The following IMMP2L variants were observed in gnomAD, a reference collection of about 807,000 sequenced individuals.
IMMP2L encodes inner mitochondrial membrane peptidase subunit 2, also known as mitochondrial inner membrane protease subunit 2.
Under a neutral mutation model 19.3 loss-of-function variants are expected in IMMP2L, and 18 were observed. The ratio of observed to expected loss-of-function variants is 0.93; its 90% confidence interval spans 0.64 to 1.38. IMMP2L has a LOEUF of 1.38. IMMP2L is among the 40% of genes most tolerant of loss of function. The pLI, the probability that IMMP2L is intolerant of heterozygous loss-of-function variation, is 0.00. For synonymous variants in IMMP2L, 76 were observed against 73.0 expected (o/e 1.04, Z -0.21); for missense variants, 233 against 218.2 (o/e 1.07, Z -0.43).
rs1483619761 is a variant in IMMP2L, at chr7:110,732,788, ATTTC to A, written c.409-69071_409-69068del. ...AAAGATGAAGGCTCAAGCACAATGA[ATTTC>A]TTTTTTTTTTTTTTTGAGATAGGGT... On this transcript the variant is annotated intron_variant, in intron 5 of 5. Coordinates refer to ENST00000405709, the MANE Select transcript of IMMP2L (RefSeq NM_032549.4). 1.5e-4 allele frequency among the ~76,000 whole-genome samples: 22 copies of A among 150,786 alleles called. 1 individual carries two copies.
rs1366636152 is a variant in IMMP2L at position 111,123,853 on chromosome 7, A to C, written c.240-160288T>G. 5.6e-6 allele frequency: 9 copies of C among 1,613,820 alleles called. No homozygotes were observed. Among genetic ancestry groups the C allele is most frequent in the Non-Finnish European group, 6.8e-6 (8 of 1,179,970 alleles). ...TACCATTGAGTCTCTGCCAAACCTC[A>C]AGGAAATCAGCATACACAGTAACCC... On this transcript the variant is annotated intron_variant, in intron 3 of 5. Coordinates refer to ENST00000405709, the MANE Select transcript of IMMP2L (RefSeq NM_032549.4). The surrounding 1 kb of genome is among the most constrained non-coding windows in gnomAD (Gnocchi z 6.4).
chr7:111,386,097 T>C lies in IMMP2L; in HGVS notation c.239+101141A>G, dbSNP rs545892844. Among the ~76,000 whole-genome samples, 14 of 151,798 alleles carry C rather than the reference T, an allele frequency of 9.2e-5. No homozygotes were observed. The East Asian group carries it at 2.5e-3, about 27-fold the overall frequency. On this transcript the variant is annotated intron_variant, in intron 3 of 5. Transcript: ENST00000405709. The stretch of plus-strand genomic sequence containing the variant: ...CTCGCTCTGTTGTCCAGGCTGGTCT[T>C]GAACTCCTGGCCTCAGACAAACCTC...
At chr7:111,520,056 G>A (rs1846199417) in intron 2 of IMMP2L, among the ~76,000 whole-genome samples, 1 of 152,108 alleles carries the variant, frequency 6.6e-6, no homozygotes. Flanking sequence ...TAAGGATTGA[G>A]TCTAAGACAA....
intron 3 of IMMP2L, among the ~76,000 whole-genome samples, chr7:111,126,484 A>G (rs1343127560): frequency 6.6e-6 from 1 of 152,182 alleles, no homozygotes; most frequent in African/African-American, 2.4e-5. Context: ...AGCTTCTGAA[A>G]CTATTTTAAA....
chr7:110,665,666 C>T (rs765643183), intron 5 of IMMP2L, among the ~76,000 whole-genome samples: 3 of 151,946 alleles, frequency 2.0e-5, no homozygotes, highest in Non-Finnish European at 2.9e-5. Flanking sequence ...ATTTTTTTTC[C>T]CTCATGACTA....
chr7:111,188,449 A>G (rs1425947108), intron 3 of IMMP2L, among the ~76,000 whole-genome samples: 1 of 152,048 alleles, frequency 6.6e-6, no homozygotes, highest in Non-Finnish European at 1.5e-5. Context: ...ACTGTTCTGG[A>G]GTCCCTTTTA....
chr7:111,277,186 A>C (rs2130492295), intron 3 of IMMP2L, among the ~76,000 whole-genome samples: 1 of 152,262 alleles, frequency 6.6e-6, no homozygotes, highest in South Asian at 2.1e-4. Flanking sequence ...CAGTCTATAG[A>C]ATGGGAAAAA....
rs141044738 is a variant in IMMP2L at position 110,941,062 on chromosome 7, T to C, written c.305+22438A>G. 3.6e-3 allele frequency among the ~76,000 whole-genome samples: 548 copies of C among 152,298 alleles called. 13 individuals carry two copies. Among genetic ancestry groups the C allele is most frequent in the Admixed American group, 0.033 (503 of 15,288 alleles). ...TTATGCTCAGCATAATCAGTGATAATACTCTCTTTAAAATGGAAGTAAGAA... is the reference window on the plus strand; with the variant it reads ...TTATGCTCAGCATAATCAGTGATAACACTCTCTTTAAAATGGAAGTAAGAA... On this transcript the variant is annotated intron_variant, in intron 4 of 5. Transcript: ENST00000405709.
intron 3 of IMMP2L, chr7:111,124,602 C>A: frequency 6.2e-7 from 1 of 1,613,882 alleles, no homozygotes; most frequent in Non-Finnish European, 8.5e-7. Flanking sequence ...TAAATGTCAC[C>A]ACCAAAGGTT....
chr7:111,488,432 A>G (rs1842827952), intron 2 of IMMP2L, among the ~76,000 whole-genome samples: 1 of 152,108 alleles, frequency 6.6e-6, no homozygotes, highest in Non-Finnish European at 1.5e-5. Flanking sequence ...GAGAACATAC[A>G]ATGTCTGGTT....
chr7:110,870,336 AAACTCACTCACAG>A lies in IMMP2L; in HGVS notation c.408+16244_408+16256del, dbSNP rs1207590723. Reference sequence around the variant, plus strand: ...TGAACCAGAAGGCATCGCGAGTGCTAAACTCACTCACAGAACAGAAATTTGTTTATTTATTTAA... The same window carrying A: ...TGAACCAGAAGGCATCGCGAGTGCTAAACAGAAATTTGTTTATTTATTTAA... On this transcript the variant is annotated intron_variant, in intron 5 of 5. Coordinates refer to ENST00000405709, the MANE Select transcript of IMMP2L (RefSeq NM_032549.4). The surrounding 1 kb of genome is among the most constrained non-coding windows in gnomAD (Gnocchi z 4.2). 2.6e-5 allele frequency among the ~76,000 whole-genome samples: 4 copies of A among 152,112 alleles called. No individual in the cohort carries two copies. Among genetic ancestry groups the A allele is most frequent in the Admixed American group, 6.6e-5 (1 of 15,242 alleles).
chr7:111,432,860 C>T (rs1326424481), intron 3 of IMMP2L, among the ~76,000 whole-genome samples: 1 of 148,296 alleles, frequency 6.7e-6, no homozygotes, highest in Non-Finnish European at 1.5e-5. Context: ...TTTCAGGATA[C>T]AAAATTAATA....
At chr7:110,962,960 A>G (rs1424531605) in intron 4 of IMMP2L, 46 of 1,448,738 alleles carry the variant, frequency 3.2e-5, no homozygotes, top group Non-Finnish European at 4.0e-5. Context: ...TTTATCAGCA[A>G]GTACAATAAA....
chr7:110,873,265 C>CA (rs1042461700), intron 5 of IMMP2L, among the ~76,000 whole-genome samples: 18 of 150,398 alleles, frequency 1.2e-4, no homozygotes, highest in African/African-American at 2.0e-4. Flanking sequence ...ACTAAAAATA[C>CA]AAAAAAAATT....
At chr7:111,357,955 T>C (rs1248452296) in intron 3 of IMMP2L, among the ~76,000 whole-genome samples, 2 of 151,862 alleles carry the variant, frequency 1.3e-5, no homozygotes, top group East Asian at 3.9e-4. Flanking sequence ...CATACTCTGA[T>C]TTCTGCAAGC....
chr7:111,472,815 G>A (rs1841382373), intron 3 of IMMP2L, among the ~76,000 whole-genome samples: 1 of 152,068 alleles, frequency 6.6e-6, no homozygotes, highest in Admixed American at 6.6e-5. Context: ...ATAGTGCTAT[G>A]CTGAGTGCAG....
intron 3 of IMMP2L, among the ~76,000 whole-genome samples, chr7:111,197,924 C>A (rs1292428230): frequency 6.6e-6 from 1 of 152,034 alleles, no homozygotes; most frequent in Non-Finnish European, 1.5e-5. Flanking sequence ...CAAAGATATA[C>A]CTTACAGTAA....
intron 3 of IMMP2L, among the ~76,000 whole-genome samples, chr7:110,968,881 C>A (rs1819845522): frequency 6.6e-6 from 1 of 151,936 alleles, no homozygotes; most frequent in South Asian, 2.1e-4. Flanking sequence ...TTTTAGACAC[C>A]CCTTTCTATA....
At chr7:110,773,036 A>G (rs1305498685) in intron 5 of IMMP2L, among the ~76,000 whole-genome samples, 3 of 152,104 alleles carry the variant, frequency 2.0e-5, no homozygotes, top group African/African-American at 7.2e-5. Context: ...ATTTAACTTT[A>G]AAGCATTGAG....
Sources: gnomAD v4.1 joint callset for allele counts (sites outside exome capture counted in the v4.1 genomes callset) on GRCh38, gnomAD v4.1.1 for gene constraint, Gnocchi (gnomAD v3.1) non-coding constraint, MANE v1.5 for transcripts, NCBI Gene and HGNC (gene_info 2026-07-23, HGNC 2026-07-21) for gene names.